Variants in NFIA observed in about 807,000 individuals in gnomAD.
NFIA encodes the protein nuclear factor I A, also known as nuclear factor 1 A-type.
Under a neutral mutation model 62.8 loss-of-function variants are expected in NFIA, and 8 were observed. The ratio of observed to expected loss-of-function variants is 0.13; its 90% CI spans 0.07 to 0.23. The LOEUF is 0.23. Among genes scored for constraint, NFIA ranks in the 10% least tolerant of loss-of-function variants. The probability of loss-of-function intolerance (pLI) is 1.00; values close to 1 mark genes in which losing one functional copy is unlikely to be tolerated. For synonymous variants in NFIA, 235 were observed against 238.1 expected, an observed-to-expected ratio of 0.99 and a Z score of 0.12; for missense variants, 410 against 642.1, an observed-to-expected ratio of 0.64 and a Z score of 3.91.
At chr1:61,343,493 A>G (rs1662040396) in intron 4 of NFIA, among the ~76,000 whole-genome samples, 2 of 152,164 alleles carry the variant, frequency 1.3e-5, no homozygotes, top group African/African-American at 4.8e-5. Context: ...GATGCCTTTC[A>G]TGGGGTTAAA....
At chr1:61,359,555 T>C (rs1281228458) in intron 6 of NFIA, among the ~76,000 whole-genome samples, 2 of 152,166 alleles carry the variant, frequency 1.3e-5, no homozygotes, top group Non-Finnish European at 2.9e-5. Flanking sequence ...GATTTGCTTT[T>C]GGTTTTTTTG....
rs1031930404 is a variant in NFIA at position 61,458,888 on chromosome 1, G to A, written c.*3568G>A. 1 of 152,010 alleles carries A rather than the reference G, an allele frequency of 6.6e-6. No homozygotes were observed. Among genetic ancestry groups the A allele is most frequent in the African/African-American group, 2.4e-5 (1 of 41,398 alleles). The allele number at this position is 152,010 out of a possible 1,614,324, so 9.4% of individuals were successfully genotyped here. On this transcript the variant is annotated 3_prime_UTR_variant, in exon 11 of 11. Transcript: ENST00000403491. Reference sequence around the variant, plus strand: ...TAGGGAACTCTGAACAGATTTGCAGGAAAAAATGTTTTAAAGGCTTTAAAA... The same window carrying A: ...TAGGGAACTCTGAACAGATTTGCAGAAAAAAATGTTTTAAAGGCTTTAAAA...
intron 2 of NFIA, among the ~76,000 whole-genome samples, chr1:61,265,682 T>G (rs1320270102): frequency 6.6e-6 from 1 of 152,250 alleles, no homozygotes; most frequent in Admixed American, 6.5e-5. Context: ...ATACATATTT[T>G]TAAGTATTAT....
At chr1:61,083,105 T>A (rs1419426517) in intron 1 of NFIA, among the ~76,000 whole-genome samples, 1 of 152,132 alleles carries the variant, frequency 6.6e-6, no homozygotes, top group Non-Finnish European at 1.5e-5. Context: ...ATGCGTTAAT[T>A]AATATCGGGG....
At chr1:61,277,078 T>TA (rs1306437382) in intron 2 of NFIA, among the ~76,000 whole-genome samples, 2 of 152,248 alleles carry the variant, frequency 1.3e-5, no homozygotes, top group African/African-American at 2.4e-5. Flanking sequence ...CAGAACTTGT[T>TA]ACTGTTGTTT....
chr1:61,122,024 G>A (rs10889208), intron 2 of NFIA, among the ~76,000 whole-genome samples: 6,209 of 152,234 alleles, frequency 0.041, 179 homozygotes, highest in Non-Finnish European at 0.065. Context: ...ATAGTTATAA[G>A]GGACCATAGG....
chr1:61,090,804 G>A lies in NFIA; in HGVS notation c.559+2124G>A, dbSNP rs541853054. ...TGGTTTTCACGGGACCGCAGTAATG[G>A]CTGCTTCTCTGTGCGCGCAACAGGA... On this transcript the variant is annotated intron_variant, in intron 2 of 10. Transcript: ENST00000403491. 2.6e-5 allele frequency among the ~76,000 whole-genome samples: 4 copies of A among 152,306 alleles called. No homozygotes were observed. The East Asian group carries it at 7.7e-4, about 29-fold the overall frequency.
chr1:61,081,858 G>A, upstream of NFIA: 1 of 1,536,230 alleles, frequency 6.5e-7, no homozygotes. Context: ...TCGCTGGAGA[G>A]ATTACAATGC....
chr1:61,235,188 C>CGCG (rs1175735212), intron 2 of NFIA, among the ~76,000 whole-genome samples: 3 of 152,142 alleles, frequency 2.0e-5, no homozygotes, highest in Admixed American at 6.6e-5. Flanking sequence ...AGGGGCTGGG[C>CGCG]GCGGTGGCTC....
At chr1:61,110,408 T>C (rs988209872) in intron 2 of NFIA, among the ~76,000 whole-genome samples, 1 of 151,980 alleles carries the variant, frequency 6.6e-6, no homozygotes, top group African/African-American at 2.4e-5. Context: ...AGAGATTATT[T>C]GGGAGAAAAT....
chr1:61,226,141 A>G (rs1267594419), intron 2 of NFIA, among the ~76,000 whole-genome samples: 1 of 152,226 alleles, frequency 6.6e-6, no homozygotes, highest in East Asian at 1.9e-4. Context: ...TTAATGTGGT[A>G]CGATAGTAGT....
rs1557670241 is a variant in NFIA at position 61,264,682 on chromosome 1, G to GAAAAAAAAAA, written c.560-12837_560-12836insAAAAAAAAAA. On this transcript the variant is annotated intron_variant, in intron 2 of 10. Transcript: ENST00000403491. ...AAAAAAAAAAAAAAAAAAAAAAAAGGATTTCCCGAAGGTAGTTTATTTGGC... is the reference window on the plus strand; with the variant it reads ...AAAAAAAAAAAAAAAAAAAAAAAAGGAAAAAAAAAAATTTCCCGAAGGTAGTTTATTTGGC... 1.5e-5 allele frequency among the ~76,000 whole-genome samples: 2 copies of GAAAAAAAAAA among 131,974 alleles called. 1 individual carries two copies. Among genetic ancestry groups the GAAAAAAAAAA allele is most frequent in the Non-Finnish European group, 3.2e-5 (2 of 62,418 alleles). The allele number at this position is 131,974 out of a possible 152,430, so 86.6% of individuals were successfully genotyped here.
intron 6 of NFIA, among the ~76,000 whole-genome samples, chr1:61,376,847 C>T (rs1444068681): frequency 6.6e-6 from 1 of 152,116 alleles, no homozygotes; most frequent in African/African-American, 2.4e-5. Flanking sequence ...TGTTTAACAT[C>T]ACTTGATATC....
chr1:61,421,623 C>G (rs1407217415), intron 9 of NFIA, among the ~76,000 whole-genome samples: 1 of 152,132 alleles, frequency 6.6e-6, no homozygotes, highest in Non-Finnish European at 1.5e-5. Context: ...TGCCAAGGTG[C>G]CTCACATTTT....
intron 2 of NFIA, among the ~76,000 whole-genome samples, chr1:61,216,092 G>A (rs1653607181): frequency 6.6e-6 from 1 of 152,216 alleles, no homozygotes. Context: ...TGTAAACCAT[G>A]TTGTAGTGAC....
At chr1:61,141,448 C>T (rs191459659) in intron 2 of NFIA, among the ~76,000 whole-genome samples, 7 of 152,220 alleles carry the variant, frequency 4.6e-5, no homozygotes, top group Non-Finnish European at 8.8e-5. Context: ...TTAAAGTCAG[C>T]GCCTATAATA....
At chr1:61,363,403 G>A (rs1305550408) in intron 6 of NFIA, among the ~76,000 whole-genome samples, 1 of 152,074 alleles carries the variant, frequency 6.6e-6, no homozygotes, top group African/African-American at 2.4e-5. Context: ...TTGGGAGTTC[G>A]AGACCAGCCT....
At chr1:61,204,639 T>G (rs548300379) in intron 2 of NFIA, among the ~76,000 whole-genome samples, 2 of 152,306 alleles carry the variant, frequency 1.3e-5, no homozygotes, top group African/African-American at 4.8e-5. Context: ...GGTATTTGTA[T>G]TATGTCTGCC....
At chr1:61,419,668 A>G (rs1666516783) in intron 9 of NFIA, among the ~76,000 whole-genome samples, 1 of 152,162 alleles carries the variant, frequency 6.6e-6, no homozygotes, top group African/African-American at 2.4e-5. Context: ...TCCTTAATAC[A>G]AACAGAAATA....
Sources: allele counts gnomAD v4.1 joint callset (sites outside exome capture counted in the v4.1 genomes callset), GRCh38; gene constraint gnomAD v4.1.1; transcripts MANE v1.5; gene names NCBI Gene and HGNC (gene_info 2026-07-23, HGNC 2026-07-21).